EPS8: variants seen among roughly 807,000 people sequenced by gnomAD.
The protein encoded by EPS8 is EGFR pathway substrate 8, signaling adaptor, also known as epidermal growth factor receptor kinase substrate 8.
In EPS8, 42 loss-of-function variants were observed where a neutral mutation model predicts 103.8. That is an observed-to-expected ratio of 0.40 (90% confidence interval 0.32 to 0.52). The LOEUF is 0.52. EPS8 is among the 20% of genes least tolerant of loss of function. The pLI, the probability that EPS8 is intolerant of heterozygous loss-of-function variation, is 0.40. For missense variants in EPS8, 969 were observed against 1,005.1 expected, an observed-to-expected ratio of 0.96 and a Z score of 0.49; for synonymous variants, 344 against 344.6, an observed-to-expected ratio of 1.00 and a Z score of 0.02.
Position 15,735,097 on chromosome 12 carries a change from T to G in EPS8, c.-21-52125A>C, listed in dbSNP as rs1036511270. Among the ~76,000 whole-genome samples, 12 of 152,184 alleles carry G rather than the reference T, an allele frequency of 7.9e-5. No homozygotes were observed. ...GATAACTGTAGTATTCCCAGGTACA[T>G]GCAAATGACAAAGTTTCCAAAGAAA... On this transcript the variant is annotated intron_variant, in intron 1 of 20. Coordinates refer to ENST00000281172, the MANE Select transcript of EPS8 (RefSeq NM_004447.6). This position sits in a 1 kb window ranked among gnomAD's most constrained non-coding sequence, Gnocchi z 4.4.
In EPS8 at chr12:15,749,570, G is replaced by T. The variant is rs1565529290; in HGVS notation, c.-22+39591C>A. ...CCTTTTGTTTATCTTCTTCACTCTGGCTGCGACTATGCCTCACTCAGAGAA... is the reference window on the plus strand; with the variant it reads ...CCTTTTGTTTATCTTCTTCACTCTGTCTGCGACTATGCCTCACTCAGAGAA... On this transcript the variant is annotated intron_variant, in intron 1 of 20. Transcript: ENST00000281172. This position sits in a 1 kb window ranked among gnomAD's most constrained non-coding sequence, Gnocchi z 4.0. Among the ~76,000 whole-genome samples, 1 of 151,962 alleles carries T rather than the reference G, an allele frequency of 6.6e-6. No homozygotes were observed. Among genetic ancestry groups the T allele is most frequent in the Admixed American group, 6.5e-5 (1 of 15,274 alleles).
At chr12:15,775,751 T>C (rs186369755) in intron 1 of EPS8, among the ~76,000 whole-genome samples, 11 of 152,288 alleles carry the variant, frequency 7.2e-5, no homozygotes, top group Middle Eastern at 3.4e-3. Flanking sequence ...GTCTATCTTG[T>C]CAATTAGAGT....
chr12:15,655,222 T>C (rs1352967572), intron 12 of EPS8, among the ~76,000 whole-genome samples: 1 of 152,134 alleles, frequency 6.6e-6, no homozygotes, highest in East Asian at 1.9e-4. Context: ...TCCCAACTCT[T>C]GTGAAAGCCT....
At chr12:15,638,155 ATGGG>A in intron 17 of EPS8, among the ~76,000 whole-genome samples, 1 of 152,230 alleles carries the variant, frequency 6.6e-6, no homozygotes, top group African/African-American at 2.4e-5. Context: ...AACAGTAGAT[ATGGG>A]TATCTACTGT....
intron 1 of EPS8, among the ~76,000 whole-genome samples, chr12:15,689,056 G>A (rs1040784864): frequency 1.3e-5 from 2 of 152,036 alleles, no homozygotes; most frequent in Non-Finnish European, 2.9e-5. Context: ...GGGGGACAAA[G>A]GAACTTTTCT....
Position 15,745,180 on chromosome 12 carries a change from C to T in EPS8, c.-22+43981G>A, listed in dbSNP as rs1301924847. 1.3e-5 allele frequency among the ~76,000 whole-genome samples: 2 copies of T among 152,042 alleles called. No homozygotes were observed. The highest frequency in any genetic ancestry group is 2.4e-5 in the African/African-American group (1 of 41,394). ...CTGGCCAATTGTCCATTATTTTTAACATTATTTGTAAAGAAAAACTCTACC... is the reference window on the plus strand; with the variant it reads ...CTGGCCAATTGTCCATTATTTTTAATATTATTTGTAAAGAAAAACTCTACC... On this transcript the variant is annotated intron_variant, in intron 1 of 20. Coordinates refer to ENST00000281172, the MANE Select transcript of EPS8 (RefSeq NM_004447.6). The surrounding 1 kb of genome is among the most constrained non-coding windows in gnomAD (Gnocchi z 4.6).
intron 17 of EPS8, among the ~76,000 whole-genome samples, chr12:15,634,970 T>C (rs369163627): frequency 6.6e-6 from 1 of 152,200 alleles, no homozygotes; most frequent in South Asian, 2.1e-4. Context: ...ACTAATCATA[T>C]AGATTCTACT....
intron 10 of EPS8, among the ~76,000 whole-genome samples, chr12:15,659,776 T>G (rs1470042082): frequency 6.6e-6 from 1 of 152,210 alleles, no homozygotes; most frequent in African/African-American, 2.4e-5. Context: ...AATTTTAATT[T>G]TATATAGCTG....
chr12:15,681,120 A>C (rs1355331596), intron 3 of EPS8, 106 bp downstream of exon 3: 1 of 450,104 alleles, frequency 2.2e-6, no homozygotes, highest in Non-Finnish European at 4.0e-6. Context: ...TCACTGCCTC[A>C]TTCCAAACAA....
At chr12:15,710,566 A>G (rs914662298) in intron 1 of EPS8, among the ~76,000 whole-genome samples, 1 of 152,160 alleles carries the variant, frequency 6.6e-6, no homozygotes, top group African/African-American at 2.4e-5. Context: ...AGTTTTTTCT[A>G]ATCAAATTAA....
rs1179875539 is a variant in EPS8 at position 15,752,204 on chromosome 12, T to C, written c.-22+36957A>G. 6.6e-6 allele frequency among the ~76,000 whole-genome samples: 1 copy of C among 152,070 alleles called. No homozygotes were observed. The highest frequency in any genetic ancestry group is 1.9e-4 in the East Asian group (1 of 5,176). On this transcript the variant is annotated intron_variant, in intron 1 of 20. Coordinates refer to ENST00000281172, the MANE Select transcript of EPS8 (RefSeq NM_004447.6). The surrounding 1 kb of genome is among the most constrained non-coding windows in gnomAD (Gnocchi z 4.4). Reference sequence around the variant, plus strand: ...GGCTCACGCCTGTAATCCCAGCACTTTGGGAGGCCGAGGCAGGCGGATCAC... The same window carrying C: ...GGCTCACGCCTGTAATCCCAGCACTCTGGGAGGCCGAGGCAGGCGGATCAC...
chr12:15,739,553 A>G (rs936057994), intron 1 of EPS8, among the ~76,000 whole-genome samples: 1 of 151,986 alleles, frequency 6.6e-6, no homozygotes, highest in Non-Finnish European at 1.5e-5. Context: ...CATAGTCAGG[A>G]CACCCTTCTT....
intron 3 of EPS8, among the ~76,000 whole-genome samples, chr12:15,679,657 C>T (rs1239878618): frequency 6.6e-6 from 1 of 152,178 alleles, no homozygotes. Flanking sequence ...CCTTTCTGAT[C>T]AACCCTCACC....
chr12:15,707,447 A>G (rs1001839276), intron 1 of EPS8, among the ~76,000 whole-genome samples: 2 of 151,884 alleles, frequency 1.3e-5, no homozygotes, highest in African/African-American at 2.4e-5. Flanking sequence ...CTTAATCAAT[A>G]CCCAACTGAA....
intron 7 of EPS8, 59 bp downstream of exon 7, chr12:15,666,381 G>T: frequency 1.5e-6 from 2 of 1,291,712 alleles, no homozygotes; most frequent in South Asian, 2.4e-5. Context: ...TAACTCTTTG[G>T]GGAAAAAAGC....
chr12:15,662,285 G>A, intron 8 of EPS8, 186 bp from the exon 9 acceptor site: 3 of 1,407,922 alleles, frequency 2.1e-6, no homozygotes, highest in Non-Finnish European at 2.8e-6. Context: ...AACAGGAGCA[G>A]TTGAGCAGAG....
intron 4 of EPS8, among the ~76,000 whole-genome samples, chr12:15,670,303 C>T (rs905615623): frequency 2.0e-5 from 3 of 152,118 alleles, no homozygotes; most frequent in Non-Finnish European, 4.4e-5. Flanking sequence ...ACTAAAACCA[C>T]TTACTGAAAC....
chr12:15,674,734 C>G (rs1945874482), intron 3 of EPS8, among the ~76,000 whole-genome samples: 1 of 152,040 alleles, frequency 6.6e-6, no homozygotes, highest in African/African-American at 2.4e-5. Context: ...GTCAACTGTT[C>G]TGCCACATTC....
rs1946721196 is a variant in EPS8, at chr12:15,731,939, A to G, written c.-21-48967T>C. Among the ~76,000 whole-genome samples the G allele has an allele frequency of 1.3e-5, 2 of 152,030 alleles. No homozygotes were observed. The highest frequency in any genetic ancestry group is 2.9e-5 in the Non-Finnish European group (2 of 68,020). ...CCTTAAAATCTGATTTCAGGATGGA[A>G]TTTTTTCATTTTATCCATAAAAAGG... On this transcript the variant is annotated intron_variant, in intron 1 of 20. Transcript: ENST00000281172. This position sits in a 1 kb window ranked among gnomAD's most constrained non-coding sequence, Gnocchi z 5.1.
Sources: allele counts gnomAD v4.1 joint callset (sites outside exome capture counted in the v4.1 genomes callset), GRCh38; gene constraint gnomAD v4.1.1; non-coding constraint Gnocchi (gnomAD v3.1); transcripts MANE v1.5; gene names NCBI Gene and HGNC (gene_info 2026-07-23, HGNC 2026-07-21).